Variants in NLK observed in about 807,000 individuals in gnomAD.
The protein encoded by NLK is nemo like kinase.
Under a neutral mutation model 59.0 loss-of-function variants are expected in NLK, and 11 were observed. The ratio of observed to expected loss-of-function variants is 0.19; its 90% CI spans 0.12 to 0.31. The LOEUF (loss-of-function observed/expected upper bound fraction) is 0.31. Among genes scored for constraint, NLK ranks in the 10% least tolerant of loss-of-function variants. The pLI is 1.00. For missense variants in NLK, 410 were observed against 661.1 expected, an observed-to-expected ratio of 0.62 and a Z score of 4.16; for synonymous variants, 235 against 235.9, an observed-to-expected ratio of 1.00 and a Z score of 0.03.
intron 1 of NLK, among the ~76,000 whole-genome samples, chr17:28,055,776 T>G (rs887005419): frequency 6.6e-6 from 1 of 152,216 alleles, no homozygotes; most frequent in African/African-American, 2.4e-5. Flanking sequence ...TCATGAAAAC[T>G]TACTAATTTA....
intron 3 of NLK, among the ~76,000 whole-genome samples, chr17:28,145,102 T>C (rs762723947): frequency 6.6e-6 from 1 of 152,202 alleles, no homozygotes; most frequent in Non-Finnish European, 1.5e-5. Context: ...GTTTAATTGA[T>C]AGTTTACATC....
In NLK at chr17:28,181,381, A is replaced by C. The variant is rs140871502; in HGVS notation, c.1150-3798A>C. ...TCACACCACTGCACTCCAGCCTGGGAGACAGAGCAAGACTTTGCCTCAAAA... is the reference window on the plus strand; with the variant it reads ...TCACACCACTGCACTCCAGCCTGGGCGACAGAGCAAGACTTTGCCTCAAAA... On this transcript the variant is annotated intron_variant, in intron 7 of 10. Transcript: ENST00000407008. Among the ~76,000 whole-genome samples the C allele has an allele frequency of 5.2e-3, 793 of 151,612 alleles. 13 individuals are homozygous for C. The highest frequency in any genetic ancestry group is 0.018 in the African/African-American group (728 of 41,336).
intron 5 of NLK, among the ~76,000 whole-genome samples, chr17:28,166,465 G>A (rs532820576): frequency 6.6e-6 from 1 of 152,090 alleles, no homozygotes; most frequent in South Asian, 2.1e-4. Context: ...TTTAGAACGG[G>A]GTTTTCAGAT....
At chr17:28,153,232 C>G (rs990709087) in intron 3 of NLK, among the ~76,000 whole-genome samples, 3 of 151,614 alleles carry the variant, frequency 2.0e-5, no homozygotes, top group African/African-American at 7.3e-5. Flanking sequence ...CGAGATCATG[C>G]CATTGCACTC....
intron 3 of NLK, among the ~76,000 whole-genome samples, chr17:28,151,722 T>A (rs2142039399): frequency 6.6e-6 from 1 of 152,282 alleles, no homozygotes; most frequent in Non-Finnish European, 1.5e-5. Flanking sequence ...CAACCTGTCA[T>A]CTTCTCAAGA....
intron 1 of NLK, among the ~76,000 whole-genome samples, chr17:28,113,221 A>G (rs553256221): frequency 4.9e-4 from 75 of 152,332 alleles, no homozygotes; most frequent in Middle Eastern, 3.4e-3. Context: ...GCACACCTCT[A>G]TGACCACCAT....
At chr17:28,106,790 G>T (rs1193382264) in intron 1 of NLK, among the ~76,000 whole-genome samples, 1 of 152,112 alleles carries the variant, frequency 6.6e-6, no homozygotes, top group Non-Finnish European at 1.5e-5. Context: ...CTACTTGAAA[G>T]ACATAAAAAA....
rs773112981 is a variant in NLK at position 28,043,231 on chromosome 17, A to G, written c.358A>G (p.Thr120Ala). The change falls in exon 1 of 11, where the codon ACA (threonine) becomes GCA (alanine). Residue 120 changes from threonine (T) to alanine (A), a missense_variant. Thr to Ala is a moderately conservative substitution (Grantham distance 58). Transcript: ENST00000407008. ...TCAGGTACAGGCTGCCGCAGCTGCTACAGTTAAGGCGCACCATCATCAGCA... is the reference window on the plus strand; with the variant it reads ...TCAGGTACAGGCTGCCGCAGCTGCTGCAGTTAAGGCGCACCATCATCAGCA... Reference protein sequence around the residue: ...PAQVQAAAAATVKAHHHQHSH... With the variant: ...PAQVQAAAAAAVKAHHHQHSH... 3 of 1,613,972 alleles carry G rather than the reference A, an allele frequency of 1.9e-6. No homozygotes were observed. The highest frequency in any genetic ancestry group is 2.2e-5 in the South Asian group (2 of 91,086).
intron 5 of NLK, among the ~76,000 whole-genome samples, chr17:28,168,128 C>T (rs1024823120): frequency 6.6e-5 from 10 of 150,850 alleles, no homozygotes; most frequent in Admixed American, 6.6e-4. Context: ...AGTTTGAGAC[C>T]AGCCTGGCCA....
chr17:28,162,024 AT>A (rs35230222), intron 4 of NLK, among the ~76,000 whole-genome samples: 8 of 151,228 alleles, frequency 5.3e-5, no homozygotes, highest in East Asian at 3.9e-4. Context: ...CACATAAGCA[AT>A]TTTTTTTTCA....
At chr17:28,090,454 G>A (rs565029047) in intron 1 of NLK, among the ~76,000 whole-genome samples, 2 of 152,070 alleles carry the variant, frequency 1.3e-5, no homozygotes, top group East Asian at 1.9e-4. Context: ...TTTTTCATCT[G>A]TTAGTCATTT....
intron 3 of NLK, among the ~76,000 whole-genome samples, chr17:28,150,357 C>T (rs997113483): frequency 1.1e-4 from 17 of 152,198 alleles, no homozygotes; most frequent in East Asian, 9.7e-4. Context: ...ATTAGCAGAC[C>T]TATAAAGGCA....
chr17:28,080,536 C>G (rs1157750522), intron 1 of NLK, among the ~76,000 whole-genome samples: 1 of 152,110 alleles, frequency 6.6e-6, no homozygotes, highest in Non-Finnish European at 1.5e-5. Context: ...ACTGTAATGC[C>G]TGGCTAGGGG....
rs1266544226 is a variant in NLK, at chr17:28,042,855, C to CA, written c.-16dup. ...AGCTTGACCCAGTTTGCTTTCCAAT[C>CA]AAAGGGCATTTATTTTGAATGTCTC... On this transcript the variant is annotated 5_prime_UTR_variant, in exon 1 of 11. Transcript: ENST00000407008. The CA allele has an allele frequency of 5.4e-6, 8 of 1,474,836 alleles. No individual in the cohort carries two copies. The highest frequency in any genetic ancestry group is 7.2e-6 in the Non-Finnish European group (8 of 1,105,418). 91.4% of individuals were successfully genotyped at this position (1,474,836 alleles called of 1,614,324 possible).
At chr17:28,168,174 A>C (rs1908319238) in intron 5 of NLK, among the ~76,000 whole-genome samples, 1 of 131,644 alleles carries the variant, frequency 7.6e-6, no homozygotes. Flanking sequence ...AATAATACAA[A>C]AAAAAAAAAA....
At chr17:28,081,180 A>G (rs1910332947) in intron 1 of NLK, among the ~76,000 whole-genome samples, 1 of 151,722 alleles carries the variant, frequency 6.6e-6, no homozygotes, top group Non-Finnish European at 1.5e-5. Flanking sequence ...ATGGGCCACC[A>G]TGCCAGGCCT....
At chr17:28,132,210 A>G (rs1379590684) in intron 2 of NLK, among the ~76,000 whole-genome samples, 1 of 152,194 alleles carries the variant, frequency 6.6e-6, no homozygotes, top group East Asian at 1.9e-4. Context: ...ATTTTGTTCA[A>G]CAGGATAACC....
At chr17:28,204,740 G>T in the NLK span, among the ~76,000 whole-genome samples, 1 of 152,166 alleles carries the variant, frequency 6.6e-6, no homozygotes, top group Non-Finnish European at 1.5e-5. Flanking sequence ...AAGTCCTAGG[G>T]AATAAACAGG....
intron 1 of NLK, among the ~76,000 whole-genome samples, chr17:28,074,060 G>A (rs1284997697): frequency 2.0e-5 from 3 of 152,288 alleles, no homozygotes; most frequent in South Asian, 2.1e-4. Flanking sequence ...TATTCAACAC[G>A]TTGAAGATAA....
Sources: allele counts gnomAD v4.1 joint callset (sites outside exome capture counted in the v4.1 genomes callset), GRCh38; gene constraint gnomAD v4.1.1; transcripts MANE v1.5; gene names NCBI Gene and HGNC (gene_info 2026-07-23, HGNC 2026-07-21).